Variants in NLRP8 observed in about 807,000 individuals in gnomAD.
NLRP8 encodes the protein NLR family pyrin domain containing 8.
In NLRP8, 86 loss-of-function variants were observed where a neutral mutation model predicts 88.7. The observed-to-expected ratio is 0.97, with a 90% confidence interval of 0.81 to 1.16. The LOEUF (loss-of-function observed/expected upper bound fraction) is 1.16. Among genes scored for constraint, NLRP8 ranks in the 50% most tolerant of loss-of-function variants. The pLI is 0.00. For synonymous variants in NLRP8, 504 were observed against 494.6 expected (o/e 1.02, Z -0.25); for missense variants, 1,342 against 1,286.5 (o/e 1.04, Z -0.66).
rs368755020 is a variant in NLRP8 at position 55,962,067 on chromosome 19, A to C, written c.2043A>C (p.Glu681Asp). 1.9e-5 allele frequency: 31 copies of C among 1,613,178 alleles called. No homozygotes were observed. The South Asian group carries it at 3.2e-4, about 17-fold the overall frequency. The change falls in exon 4 of 10, where the codon GAA becomes GAC. Residue 681 changes from glutamate (E) to aspartate (D), a missense_variant and splice_region_variant. By Grantham distance (45) the Glu-to-Asp change is conservative (BLOSUM62 2). Coordinates refer to ENST00000291971, the MANE Select transcript of NLRP8 (RefSeq NM_176811.2). Reference sequence around the variant, plus strand: ...TTTCTCTCTTCTCCCTTCCATGTAGAGCGCCAGAGAGCAATGGGCTGCATC... The same window carrying C: ...TTTCTCTCTTCTCCCTTCCATGTAGCGCGCCAGAGAGCAATGGGCTGCATC...
In NLRP8 at chr19:55,960,490, T is replaced by C. The variant is rs143793827; in HGVS notation, c.2043-1577T>C. Among the ~76,000 whole-genome samples the C allele has an allele frequency of 3.7e-3, 562 of 152,296 alleles. 4 individuals carry two copies. The highest frequency in any genetic ancestry group is 0.013 in the African/African-American group (542 of 41,556). ...TGGGGATAACTGTTGGTCACCCGAC[T>C]AAGACCTCAAGAATCTAAGCACAGT... On this transcript the variant is annotated intron_variant, in intron 3 of 9. Coordinates refer to ENST00000291971, the MANE Select transcript of NLRP8 (RefSeq NM_176811.2).
In NLRP8 at chr19:55,979,450, G is replaced by A. The variant is rs571690226; in HGVS notation, c.2933G>A (p.Arg978His). 28 of 1,614,108 alleles carry A rather than the reference G, an allele frequency of 1.7e-5. No individual in the cohort carries two copies. The highest frequency in any genetic ancestry group is 1.3e-4 in the East Asian group (6 of 44,874). The stretch of plus-strand genomic sequence containing the variant: ...TGCCAGGCCATGGCTTCCATGCTCC[G>A]CAAAAACCAACATCTGAGACATCTG... Residue 978 changes from arginine (R) to histidine (H), a missense_variant, in exon 9 of 10, where the codon CGC becomes CAC. Coordinates refer to ENST00000291971, the MANE Select transcript of NLRP8 (RefSeq NM_176811.2).
intron 6 of NLRP8, among the ~76,000 whole-genome samples, chr19:55,971,671 A>ACG (rs1211052602): frequency 6.6e-6 from 1 of 151,822 alleles, no homozygotes; most frequent in Admixed American, 6.6e-5. Context: ...ACACACGCAC[A>ACG]CACACACACT....
chr19:55,958,123 C>T (rs1313546477), intron 3 of NLRP8, among the ~76,000 whole-genome samples: 4 of 152,064 alleles, frequency 2.6e-5, no homozygotes, highest in East Asian at 3.9e-4. Context: ...GTGGCTATGA[C>T]GAGAAGAGAG....
chr19:55,948,602 A>AT lies in NLRP8; in HGVS notation c.367+342dup, dbSNP rs535232807. Among the ~76,000 whole-genome samples the AT allele has an allele frequency of 2.3e-3, 344 of 151,338 alleles. 1 individual carries two copies. Among genetic ancestry groups the AT allele is most frequent in the Non-Finnish European group, 4.3e-3 (293 of 67,760 alleles). ...AGGCACCCACCACCATGCCTGGGTA[A>AT]TTTTTTTTTATTTTTAGTAGAGACG... On this transcript the variant is annotated intron_variant, in intron 1 of 9. Coordinates refer to ENST00000291971, the MANE Select transcript of NLRP8 (RefSeq NM_176811.2).
intron 4 of NLRP8, among the ~76,000 whole-genome samples, chr19:55,964,844 T>C (rs1979769848): frequency 6.6e-6 from 1 of 152,182 alleles, no homozygotes; most frequent in Non-Finnish European, 1.5e-5. Flanking sequence ...CATCAAATTG[T>C]ATATGTTAAA....
At position 55,955,635 on chromosome 19, in the gene NLRP8, G is replaced by A. The variant is rs75471108; in HGVS notation, c.1577G>A (p.Arg526Lys). 1.2e-4 allele frequency: 193 copies of A among 1,614,130 alleles called. 1 individual carries two copies. The East Asian group carries it at 3.2e-3, about 26-fold the overall frequency. The change falls in exon 3 of 10, where the codon AGA becomes AAA. Residue 526 changes from arginine to lysine, a missense_variant. Physicochemically the swap from Arg to Lys is conservative, Grantham distance 26. Coordinates refer to ENST00000291971, the MANE Select transcript of NLRP8 (RefSeq NM_176811.2). The stretch of plus-strand genomic sequence containing the variant: ...TTTTATGTTCTCTGTTTCCCACAAA[G>A]ACTCAAAAATTTTCATGTGTTGAGC...
intron 1 of NLRP8, among the ~76,000 whole-genome samples, chr19:55,951,825 C>T (rs1979108111): frequency 6.6e-6 from 1 of 152,200 alleles, no homozygotes; most frequent in African/African-American, 2.4e-5. Context: ...TCATGGCTCC[C>T]TTCAGCCTCT....
rs1431729055 is a variant in NLRP8 at position 55,987,808 on chromosome 19, C to T, written c.3048-6C>T. ...CAACCAGCAGCCTTCCTTTACCTCC[C>T]TCCAGCTGTATTCCTGCCTGGACTC... On this transcript the variant is annotated splice_polypyrimidine_tract_variant and splice_region_variant and intron_variant, in intron 9 of 9. Coordinates refer to ENST00000291971, the MANE Select transcript of NLRP8 (RefSeq NM_176811.2). The T allele has an allele frequency of 3.7e-6, 6 of 1,609,378 alleles. No individual in the cohort carries two copies. Among genetic ancestry groups the T allele is most frequent in the South Asian group, 1.1e-5 (1 of 91,002 alleles).
At chr19:55,967,484 A>C (rs1467759572) in intron 5 of NLRP8, among the ~76,000 whole-genome samples, 1 of 152,224 alleles carries the variant, frequency 6.6e-6, no homozygotes, top group African/African-American at 2.4e-5. Context: ...CACTTAACAG[A>C]ATGGTCTCCA....
chr19:55,959,942 T>C (rs4801287), intron 3 of NLRP8, among the ~76,000 whole-genome samples: 20,316 of 152,092 alleles, frequency 0.13, 2,236 homozygotes, highest in African/African-American at 0.3. Context: ...GGTCATTACC[T>C]TTATCTTGTC....
intron 3 of NLRP8, among the ~76,000 whole-genome samples, chr19:55,958,404 G>A (rs1979468475): frequency 6.6e-6 from 1 of 152,208 alleles, no homozygotes; most frequent in African/African-American, 2.4e-5. Context: ...AGTAATTTAA[G>A]TTCTGTTCCA....
chr19:55,949,450 C>T (rs1358399847), intron 1 of NLRP8, among the ~76,000 whole-genome samples: 4 of 152,074 alleles, frequency 2.6e-5, no homozygotes, highest in African/African-American at 9.7e-5. Context: ...GTTGGCCAGG[C>T]TGGTTTCAAA....
chr19:55,959,153 C>T (rs1286872791), intron 3 of NLRP8, among the ~76,000 whole-genome samples: 3 of 151,796 alleles, frequency 2.0e-5, no homozygotes, highest in Admixed American at 1.3e-4. Flanking sequence ...GCTGGGATTA[C>T]AGGTGTGAGC....
intron 3 of NLRP8, among the ~76,000 whole-genome samples, chr19:55,958,334 G>C (rs1427858011): frequency 1.3e-5 from 2 of 152,200 alleles, no homozygotes; most frequent in Non-Finnish European, 2.9e-5. Flanking sequence ...TACTGGGCTA[G>C]TGTGTGGATA....
chr19:55,983,644 TG>T (rs1980671178), intron 9 of NLRP8, among the ~76,000 whole-genome samples: 1 of 151,670 alleles, frequency 6.6e-6, no homozygotes, highest in South Asian at 2.1e-4. Flanking sequence ...GGGTAGATTG[TG>T]CCTTAGCCAA....
chr19:55,973,808 T>A lies in NLRP8; in HGVS notation c.2691T>A (p.Pro897=). ...ATGCCCTGCCACACCTGAGATGTCC[T>A]CTGCAGAGGCTGGTGTAAGTCCCAG... The change falls in exon 7 of 10, where the codon CCT becomes CCA. Residue 897 remains proline, a synonymous_variant. Transcript: ENST00000291971. 1 of 1,612,874 alleles carries A rather than the reference T, an allele frequency of 6.2e-7. No homozygotes were observed. The highest frequency in any genetic ancestry group is 8.5e-7 in the Non-Finnish European group (1 of 1,179,198).
intron 6 of NLRP8, 126 bp from the exon 7 acceptor site, chr19:55,973,526 G>A (rs543798828): frequency 5.2e-6 from 4 of 764,248 alleles, no homozygotes; most frequent in South Asian, 2.8e-5. Context: ...GAAGTCCTGA[G>A]TGGTGATGAC....
intron 1 of NLRP8, among the ~76,000 whole-genome samples, chr19:55,951,602 A>G (rs1979096452): frequency 1.3e-5 from 2 of 152,244 alleles, no homozygotes; most frequent in African/African-American, 2.4e-5. Context: ...GTACTGAACA[A>G]ATTCATGGGT....
Sources: gnomAD v4.1 joint callset for allele counts (sites outside exome capture counted in the v4.1 genomes callset) on GRCh38, gnomAD v4.1.1 for gene constraint, MANE v1.5 for transcripts, NCBI Gene and HGNC (gene_info 2026-07-23, HGNC 2026-07-21) for gene names.